Variants in LTBP1 observed in about 807,000 individuals in gnomAD.
LTBP1 encodes the protein latent-transforming growth factor beta-binding protein 1.
In LTBP1, 129 loss-of-function variants were observed where a neutral mutation model predicts 207.6. The ratio of observed to expected loss-of-function variants is 0.62; its 90% CI spans 0.54 to 0.72. The LOEUF is 0.72. Among genes scored for constraint, LTBP1 ranks in the 30% least tolerant of loss-of-function variants. The pLI, the probability that LTBP1 is intolerant of heterozygous loss-of-function variation, is 0.00. For synonymous variants in LTBP1, 963 were observed against 833.7 expected (o/e 1.16, Z -2.67); for missense variants, 2,281 against 2,217.2 (o/e 1.03, Z -0.58).
At chr2:33,117,998 A>G (rs746983468) in intron 4 of LTBP1, among the ~76,000 whole-genome samples, 5 of 152,176 alleles carry the variant, frequency 3.3e-5, no homozygotes, top group Non-Finnish European at 5.9e-5. Context: ...AAGCAGCAGC[A>G]GGAGAAATCC....
intron 3 of LTBP1, among the ~76,000 whole-genome samples, chr2:33,071,476 T>A (rs973531411): frequency 3.9e-5 from 6 of 152,166 alleles, no homozygotes; most frequent in African/African-American, 1.4e-4. Flanking sequence ...GGCAGTGGGA[T>A]CATTGGGTGC....
At chr2:33,269,650 G>A (rs2093271675) in intron 15 of LTBP1, among the ~76,000 whole-genome samples, 1 of 152,110 alleles carries the variant, frequency 6.6e-6, no homozygotes, top group African/African-American at 2.4e-5. Context: ...AGTTTATATT[G>A]ACACAGTTTG....
intron 31 of LTBP1, among the ~76,000 whole-genome samples, chr2:33,387,803 G>A (rs1241337129): frequency 6.6e-6 from 1 of 150,412 alleles, no homozygotes; most frequent in Non-Finnish European, 1.5e-5. Context: ...CGTGGCCATT[G>A]CCTTGCGCGA....
intron 15 of LTBP1, among the ~76,000 whole-genome samples, chr2:33,265,739 T>A (rs1336232377): frequency 2.6e-5 from 4 of 152,156 alleles, no homozygotes; most frequent in Non-Finnish European, 5.9e-5. Flanking sequence ...TTATTTTAGA[T>A]TTTTTTATTT....
chr2:33,256,069 G>C (rs114014208), intron 11 of LTBP1, among the ~76,000 whole-genome samples: 76 of 151,632 alleles, frequency 5.0e-4, no homozygotes, highest in African/African-American at 1.8e-3. Flanking sequence ...CACATGTGCT[G>C]AGTCTACTTT....
At chr2:33,395,685 G>C (rs2095351798) in intron 32 of LTBP1, among the ~76,000 whole-genome samples, 1 of 146,098 alleles carries the variant, frequency 6.8e-6, no homozygotes, top group African/African-American at 2.6e-5. Flanking sequence ...GTTAAGAGAA[G>C]TAACAAGTAA....
intron 5 of LTBP1, among the ~76,000 whole-genome samples, chr2:33,169,050 AGTT>A (rs2085190409): frequency 6.6e-6 from 1 of 152,194 alleles, no homozygotes; most frequent in Admixed American, 6.5e-5. Context: ...AATAAAAAGG[AGTT>A]GTAGTCGGGC....
chr2:33,361,611 T>C (rs2094928133), intron 28 of LTBP1, 96 bp downstream of exon 28: 2 of 848,158 alleles, frequency 2.4e-6, no homozygotes, highest in Non-Finnish European at 3.7e-6. Context: ...TAGAGTTCTT[T>C]TTAGTCATGA....
At chr2:33,138,725 A>T (rs1404389261) in intron 5 of LTBP1, among the ~76,000 whole-genome samples, 1 of 152,204 alleles carries the variant, frequency 6.6e-6, no homozygotes, top group Non-Finnish European at 1.5e-5. Context: ...TTGTGGAGAC[A>T]TTGAAAAGCA....
intron 9 of LTBP1, among the ~76,000 whole-genome samples, chr2:33,234,108 C>T (rs1159878554): frequency 1.3e-5 from 2 of 152,092 alleles, no homozygotes; most frequent in Non-Finnish European, 2.9e-5. Context: ...CAGTATATGG[C>T]CAGCACAATT....
rs148643660 is a variant in LTBP1, at chr2:33,314,248, A to G, written c.3605-896A>G. On this transcript the variant is annotated intron_variant, in intron 23 of 33. Coordinates refer to ENST00000404816, the MANE Select transcript of LTBP1 (RefSeq NM_206943.4). ...GGAAACCATGCAAATACGAATTTTC[A>G]TGGTCTAAAAGTCCTTCTCAGCCAA... is the stretch of plus-strand genomic sequence containing the variant. Among the ~76,000 whole-genome samples the G allele has an allele frequency of 4.4e-3, 666 of 152,278 alleles. 6 individuals are homozygous for G. Among genetic ancestry groups the G allele is most frequent in the African/African-American group, 0.015 (641 of 41,548 alleles).
chr2:33,228,792 T>A (rs893708684), intron 9 of LTBP1, among the ~76,000 whole-genome samples: 1 of 145,976 alleles, frequency 6.9e-6, no homozygotes, highest in African/African-American at 2.6e-5. Context: ...CTCCGCCTCC[T>A]GGGTTCAAGC....
At chr2:33,329,224 T>A (rs1356550070) in intron 24 of LTBP1, among the ~76,000 whole-genome samples, 1 of 152,168 alleles carries the variant, frequency 6.6e-6, no homozygotes, top group Non-Finnish European at 1.5e-5. Flanking sequence ...AGGTATCTCA[T>A]TATGGTCTCA....
At chr2:33,064,056 G>T (rs758587981) in intron 3 of LTBP1, among the ~76,000 whole-genome samples, 29 of 152,004 alleles carry the variant, frequency 1.9e-4, no homozygotes, top group Non-Finnish European at 3.8e-4. Context: ...GTTTCACCAT[G>T]TTGGGCCAGG....
At chr2:33,221,710 C>T (rs1227977471) in intron 8 of LTBP1, among the ~76,000 whole-genome samples, 4 of 152,088 alleles carry the variant, frequency 2.6e-5, no homozygotes, top group Admixed American at 1.3e-4. Context: ...TGTTCCAGGA[C>T]GTGTAGTAAC....
At chr2:32,949,162 A>C (rs1044019413) in intron 2 of LTBP1, among the ~76,000 whole-genome samples, 9 of 152,236 alleles carry the variant, frequency 5.9e-5, no homozygotes, top group Admixed American at 4.6e-4. Flanking sequence ...CGTGCTGTGC[A>C]TCCAAGACTT....
At chr2:33,159,408 G>C (rs2084271106) in intron 5 of LTBP1, among the ~76,000 whole-genome samples, 2 of 152,180 alleles carry the variant, frequency 1.3e-5, no homozygotes, top group African/African-American at 2.4e-5. Context: ...TACACTTCCT[G>C]TCTAGCACCT....
intron 3 of LTBP1, among the ~76,000 whole-genome samples, chr2:33,031,944 G>T (rs932314058): frequency 6.6e-6 from 1 of 152,142 alleles, no homozygotes; most frequent in Admixed American, 6.5e-5. Flanking sequence ...CTGGCTGCTG[G>T]GCAGATGAGA....
At chr2:33,333,403 T>C (rs1023911986) in intron 24 of LTBP1, among the ~76,000 whole-genome samples, 2 of 152,152 alleles carry the variant, frequency 1.3e-5, no homozygotes, top group Non-Finnish European at 2.9e-5. Flanking sequence ...CAGGATATCT[T>C]CTAGGATATT....
Sources: allele counts gnomAD v4.1 joint callset (sites outside exome capture counted in the v4.1 genomes callset), GRCh38; gene constraint gnomAD v4.1.1; transcripts MANE v1.5; gene names NCBI Gene and HGNC (gene_info 2026-07-23, HGNC 2026-07-21).